The following AATF variants were observed in gnomAD, a reference collection of about 807,000 sequenced individuals.
AATF encodes apoptosis antagonizing transcription factor, also known as protein AATF.
In AATF, 48 loss-of-function variants were observed where a neutral mutation model predicts 63.7. The observed-to-expected ratio is 0.75, with a 90% CI of 0.60 to 0.96. The LOEUF is 0.96. Among genes scored for constraint, AATF ranks in the 40% least tolerant of loss-of-function variants. The pLI, the probability that AATF is intolerant of heterozygous loss-of-function variation, is 0.00. For synonymous variants in AATF, 258 were observed against 247.7 expected (o/e 1.04, Z -0.39); for missense variants, 639 against 685.7 (o/e 0.93, Z 0.76).
At chr17:36,981,601 G>A (rs967052697) in intron 4 of AATF, among the ~76,000 whole-genome samples, 1 of 150,970 alleles carries the variant, frequency 6.6e-6, no homozygotes, top group Non-Finnish European at 1.5e-5. Flanking sequence ...GTGCCACCAC[G>A]CCTGGCTGAT....
At chr17:37,044,590 A>T (rs1225611557) in intron 11 of AATF, among the ~76,000 whole-genome samples, 1 of 152,182 alleles carries the variant, frequency 6.6e-6, no homozygotes, top group African/African-American at 2.4e-5. Flanking sequence ...TATATACTAT[A>T]GGTTTTCTGT....
intron 11 of AATF, among the ~76,000 whole-genome samples, chr17:37,038,823 T>C (rs2071613500): frequency 6.6e-6 from 1 of 152,204 alleles, no homozygotes. Flanking sequence ...GAGGATCCTT[T>C]AATGATAAGT....
chr17:36,953,429 A>G lies in AATF; in HGVS notation c.694+133A>G, dbSNP rs2070873386. 31 of 1,434,766 alleles carry G rather than the reference A, an allele frequency of 2.2e-5. No homozygotes were observed. In the East Asian group the frequency reaches 7.3e-4, roughly 34 times the overall value. The allele number at this position is 1,434,766 out of a possible 1,614,324, so 88.9% of individuals were successfully genotyped here. ...AGTTTGTGACATGCCCCACTTACCC[A>G]GAAGCCTAAAGCCCTATTCCTGTAT... On this transcript the variant is annotated intron_variant, in intron 3 of 11. Coordinates refer to ENST00000619387, the MANE Select transcript of AATF (RefSeq NM_012138.4).
chr17:37,053,258 G>A (rs2071768704), intron 11 of AATF, among the ~76,000 whole-genome samples: 1 of 151,884 alleles, frequency 6.6e-6, no homozygotes, highest in Admixed American at 6.6e-5. Flanking sequence ...ACACATGTAT[G>A]AATACTAAAT....
intron 6 of AATF, 44 bp from the exon 7 acceptor site, chr17:36,989,203 C>T: frequency 3.2e-6 from 5 of 1,572,336 alleles, no homozygotes; most frequent in Non-Finnish European, 4.3e-6. Context: ...TTGCCTTCAG[C>T]ACTGATTTTC....
At chr17:37,030,356 A>G (rs1430560922) in intron 10 of AATF, among the ~76,000 whole-genome samples, 1 of 152,226 alleles carries the variant, frequency 6.6e-6, no homozygotes, top group African/African-American at 2.4e-5. Context: ...AAATGTTCCT[A>G]AAACTTTAAA....
At position 36,953,383 on chromosome 17, in the gene AATF, A is replaced by G. The variant is rs571921350; in HGVS notation, c.694+87A>G. ...ATTTGTTTGTTTTTGGCTATTCTCT[A>G]TCTCCTGTGTCCTTTCAATTAGTTT... On this transcript the variant is annotated intron_variant, in intron 3 of 11. Transcript: ENST00000619387. 5.6e-5 allele frequency: 87 copies of G among 1,545,996 alleles called. No individual in the cohort carries two copies. In the African/African-American group the frequency reaches 1.1e-3, roughly 19 times the overall value.
chr17:36,993,881 T>C (rs1395479434), intron 8 of AATF, among the ~76,000 whole-genome samples: 3 of 152,184 alleles, frequency 2.0e-5, no homozygotes, highest in Non-Finnish European at 4.4e-5. Context: ...ATGTGTGGGC[T>C]CAGAACACTC....
At chr17:37,011,725 G>GA (rs2071392643) in intron 8 of AATF, among the ~76,000 whole-genome samples, 1 of 152,158 alleles carries the variant, frequency 6.6e-6, no homozygotes, top group Non-Finnish European at 1.5e-5. Flanking sequence ...AGTGAGGTGA[G>GA]AAAGTCCAGT....
Position 37,031,306 on chromosome 17 carries a change from A to G in AATF, c.1548-308A>G, listed in dbSNP as rs2142300926. 8.2e-6 allele frequency: 3 copies of G among 365,806 alleles called. No individual in the cohort carries two copies. The South Asian group carries it at 1.4e-4, about 17-fold the overall frequency. 22.7% of individuals were successfully genotyped at this position (365,806 alleles called of 1,614,324 possible). A position where few individuals can be genotyped will look rare whatever the true frequency, so the allele number is the denominator to read the frequency against. ...AGTATTTTAAGTAATCTAGAGATGA[A>G]TTAAGTATATGGGAGCATGTGTGTA... On this transcript the variant is annotated intron_variant, in intron 10 of 11. Transcript: ENST00000619387.
chr17:36,966,442 A>T (rs1208233999), intron 4 of AATF, among the ~76,000 whole-genome samples: 4 of 150,920 alleles, frequency 2.7e-5, no homozygotes, highest in Non-Finnish European at 4.4e-5. Flanking sequence ...TTTAAAAAAA[A>T]TTTCTGGTAG....
rs566743297 is a variant in AATF, at chr17:37,030,899, T to C, written c.1548-715T>C. Among the ~76,000 whole-genome samples, 6 of 152,236 alleles carry C rather than the reference T, an allele frequency of 3.9e-5. No homozygotes were observed. In the South Asian group the frequency reaches 1.2e-3, roughly 32 times the overall value. ...TAAAATGAAAAATGCTTAAGATATA[T>C]GTAGAGGAAGAAAATGAGGTAGTCA... On this transcript the variant is annotated intron_variant, in intron 10 of 11. Transcript: ENST00000619387.
intron 8 of AATF, among the ~76,000 whole-genome samples, chr17:36,997,594 A>G (rs1006915986): frequency 1.3e-5 from 2 of 152,222 alleles, no homozygotes; most frequent in Non-Finnish European, 1.5e-5. Context: ...GTGTGGATGT[A>G]GTGAACAGGG....
chr17:37,040,517 T>G (rs1366348294), intron 11 of AATF, among the ~76,000 whole-genome samples: 1 of 151,956 alleles, frequency 6.6e-6, no homozygotes, highest in East Asian at 1.9e-4. Context: ...ATAAGAATAC[T>G]AAGGCATGGA....
chr17:36,949,131 G>A lies in AATF; in HGVS notation c.6G>A (p.Ala2=), dbSNP rs758939058. 2 of 1,577,970 alleles carry A rather than the reference G, an allele frequency of 1.3e-6. No individual in the cohort carries two copies. Among genetic ancestry groups the A allele is most frequent in the South Asian group, 1.2e-5 (1 of 85,910 alleles). Residue 2 remains alanine, a synonymous_variant, in exon 1 of 12, where the codon GCG becomes GCA. Transcript: ENST00000619387. M[A]GPQPLALQLE... ...TGGACCGGGAGCTGGTGACGATGGC[G>A]GGGCCGCAGCCCCTGGCGCTGCAAC... is the stretch of plus-strand genomic sequence containing the variant.
intron 8 of AATF, among the ~76,000 whole-genome samples, chr17:36,995,520 A>G (rs1361718339): frequency 6.6e-6 from 1 of 152,118 alleles, no homozygotes; most frequent in African/African-American, 2.4e-5. Context: ...GTTAATGGTG[A>G]TATGATATTT....
chr17:37,022,803 T>C (rs1259128127), intron 10 of AATF, among the ~76,000 whole-genome samples: 1 of 152,202 alleles, frequency 6.6e-6, no homozygotes, highest in East Asian at 1.9e-4. Context: ...AGTTAAGCAC[T>C]GTACAAGTGT....
At chr17:36,954,028 G>A (rs2070879101) in intron 4 of AATF, 121 bp downstream of exon 4, 2 of 988,444 alleles carry the variant, frequency 2.0e-6, no homozygotes, top group African/African-American at 1.7e-5. Context: ...ATCTGCCCTT[G>A]CTCTCCCCTC....
chr17:37,014,264 T>TTAG (rs975795449), intron 8 of AATF, among the ~76,000 whole-genome samples: 1 of 128,658 alleles, frequency 7.8e-6, no homozygotes, highest in African/African-American at 4.0e-5. Context: ...CAAGACTGTC[T>TTAG]TAGTAATAAT....
Sources: gnomAD v4.1 joint callset for allele counts (sites outside exome capture counted in the v4.1 genomes callset) on GRCh38, gnomAD v4.1.1 for gene constraint, MANE v1.5 for transcripts, NCBI Gene and HGNC (gene_info 2026-07-23, HGNC 2026-07-21) for gene names.